Variants in KRT15 observed in about 807,000 individuals in gnomAD.
KRT15 encodes keratin, type I cytoskeletal 15.
Under a neutral mutation model 46.6 loss-of-function variants are expected in KRT15, and 45 were observed. The ratio of observed to expected loss-of-function variants is 0.97; its 90% confidence interval spans 0.76 to 1.24. The LOEUF is 1.24. KRT15 is among the 50% of genes most tolerant of loss of function. The probability of loss-of-function intolerance (pLI) is 0.00; values close to 1 mark genes in which losing one functional copy is unlikely to be tolerated. For missense variants in KRT15, 592 were observed against 588.9 expected (o/e 1.01, Z -0.05); for synonymous variants, 221 against 233.8 (o/e 0.95, Z 0.50).
In KRT15 at chr17:41,518,765, A is replaced by G. The variant is rs769215149; in HGVS notation, c.63T>C (p.Gly21=). 1 of 1,528,864 alleles carries G rather than the reference A, an allele frequency of 6.5e-7. No homozygotes were observed. The highest frequency in any genetic ancestry group is 1.9e-5 in the Admixed American group (1 of 54,026). 94.7% of individuals were successfully genotyped at this position (1,528,864 alleles called of 1,614,324 possible). Residue 21 remains glycine, a synonymous_variant, in exon 1 of 8, where the codon GGT becomes GGC. Transcript: ENST00000254043. ...STFGGGSTRG[G]SLLAGGGGFG... ...AGCCACCTCCCCCAGCCAGGAGGGA[A>G]CCCCCTCGGGTTGAGCCACCCCCAA...
At chr17:41,514,584 G>T in intron 7 of KRT15, 65 bp downstream of exon 7, 2 of 1,487,722 alleles carry the variant, frequency 1.3e-6, no homozygotes, top group East Asian at 2.3e-5. Flanking sequence ...TCCCTATTCC[G>T]AAGGGGGTGG....
At chr17:41,516,779 G>C in intron 3 of KRT15, 29 bp downstream of exon 3, 1 of 1,613,118 alleles carries the variant, frequency 6.2e-7, no homozygotes, top group Non-Finnish European at 8.5e-7. Flanking sequence ...CCTCTCTCGG[G>C]TTCAGGGGTG....
Position 41,518,484 on chromosome 17 carries a change from C to T in KRT15, c.344G>A (p.Arg115His), listed in dbSNP as rs199506230. The change falls in exon 1 of 8, where the codon CGC becomes CAC. Residue 115 changes from arginine to histidine, a missense_variant. Physicochemically the swap from Arg to His is conservative, Grantham distance 29 (BLOSUM62 0). Transcript: ENST00000254043. Reference sequence around the variant, plus strand: ...TACCTTGTCCAGGTAGGAGGCCAGGCGGTCATTGAGGTTCTGCATGGTAAT... The same window carrying T: ...TACCTTGTCCAGGTAGGAGGCCAGGTGGTCATTGAGGTTCTGCATGGTAAT... ...EKITMQNLND[R>H]LASYLDKVRA... 95 of 1,613,996 alleles carry T rather than the reference C, an allele frequency of 5.9e-5. No homozygotes were observed. The highest frequency in any genetic ancestry group is 2.1e-4 in the South Asian group (19 of 91,058).
chr17:41,514,064 C>T lies in KRT15; in HGVS notation c.1330G>A (p.Val444Met). ...SNFHINVEESVDGQVVSSHKR... is the reference protein window; with the variant it reads ...SNFHINVEESMDGQVVSSHKR... ...TGGGAAGAAACCACCTGTCCATCCACTGACTCTTCTACATTGATGTGGAAA... is the reference window on the plus strand; with the variant it reads ...TGGGAAGAAACCACCTGTCCATCCATTGACTCTTCTACATTGATGTGGAAA... The change falls in exon 8 of 8, where the codon GTG becomes ATG. Residue 444 changes from valine (V) to methionine (M), a missense_variant. Coordinates refer to ENST00000254043, the MANE Select transcript of KRT15 (RefSeq NM_002275.4). The T allele has an allele frequency of 6.2e-7, 1 of 1,614,186 alleles. No individual in the cohort carries two copies. Among genetic ancestry groups the T allele is most frequent in the Non-Finnish European group, 8.5e-7 (1 of 1,179,976 alleles).
intron 3 of KRT15, among the ~76,000 whole-genome samples, chr17:41,516,475 G>C (rs1254980072): frequency 6.6e-6 from 1 of 152,166 alleles, no homozygotes. Flanking sequence ...CGAGACTGTA[G>C]GGCCCTGATG....
intron 7 of KRT15, 23 bp downstream of exon 7, chr17:41,514,626 C>G: frequency 6.2e-7 from 1 of 1,612,258 alleles, no homozygotes; most frequent in Non-Finnish European, 8.5e-7. Context: ...CCACCCCACA[C>G]CAGAAGAGTA....
In KRT15 at chr17:41,518,699, A is replaced by G; in HGVS notation, c.129T>C (p.Ser43=). The change falls in exon 1 of 8, where the codon AGT becomes AGC. Residue 43 remains serine, a synonymous_variant. Transcript: ENST00000254043. ...GSLSGGGGSR[S]ISASSARFVS... Reference sequence around the variant, plus strand: ...CAAACCTAGCAGAAGAAGCTGAGATACTTCGGCTTCCACCTCCCCCAGAGA... The same window carrying G: ...CAAACCTAGCAGAAGAAGCTGAGATGCTTCGGCTTCCACCTCCCCCAGAGA... 1 of 1,612,560 alleles carries G rather than the reference A, an allele frequency of 6.2e-7. No individual in the cohort carries two copies. Among genetic ancestry groups the G allele is most frequent in the South Asian group, 1.1e-5 (1 of 91,016 alleles).
Position 41,518,575 on chromosome 17 carries a change from C to A in KRT15, c.253G>T (p.Val85Phe), listed in dbSNP as rs146785055. Residue 85 changes from valine to phenylalanine, a missense_variant, in exon 1 of 8, where the codon GTT becomes TTT. By Grantham distance (50) the Val-to-Phe change is conservative (BLOSUM62 -1). Coordinates refer to ENST00000254043, the MANE Select transcript of KRT15 (RefSeq NM_002275.4). ...SVFGGGFGGG[V>F]GGGFGGGFGG... The stretch of plus-strand genomic sequence containing the variant: ...AAGCCACCACCAAAACCCCCACCAA[C>A]GCCCCCTCCAAAGCCTCCACCGAAA... 2 of 1,613,542 alleles carry A rather than the reference C, an allele frequency of 1.2e-6. No individual in the cohort carries two copies. The highest frequency in any genetic ancestry group is 1.7e-6 in the Non-Finnish European group (2 of 1,179,910).
At chr17:41,516,562 C>T (rs924875067) in intron 3 of KRT15, among the ~76,000 whole-genome samples, 4 of 152,178 alleles carry the variant, frequency 2.6e-5, no homozygotes, top group African/African-American at 9.7e-5. Context: ...GGCTACCAGA[C>T]ACTGCCCCTT....
intron 1 of KRT15, chr17:41,517,452 G>C (rs549710470): frequency 4.5e-6 from 2 of 441,350 alleles, no homozygotes; most frequent in Non-Finnish European, 8.4e-6. Context: ...TGTGGGAATT[G>C]GTTGCCCAGG....
chr17:41,516,776 C>T (rs1303675608), intron 3 of KRT15, 32 bp downstream of exon 3: 8 of 1,611,326 alleles, frequency 5.0e-6, no homozygotes, highest in South Asian at 2.2e-5. Flanking sequence ...CCACCTCTCT[C>T]GGGTTCAGGG....
Position 41,516,208 on chromosome 17 carries a change from C to A in KRT15, c.796G>T (p.Ala266Ser). Reference protein sequence around the residue: ...AGQVNVEMDAAPGVDLTRVLA... With the variant: ...AGQVNVEMDASPGVDLTRVLA... The stretch of plus-strand genomic sequence containing the variant: ...ACACGGGTCAGGTCCACACCCGGTG[C>A]TGCGTCCATCTCCACATTGACCTGG... Residue 266 changes from alanine (A) to serine (S), a missense_variant, in exon 4 of 8, where the codon GCA becomes TCA. Physicochemically the swap from Ala to Ser is moderately conservative, Grantham distance 99. Transcript: ENST00000254043. The A allele has an allele frequency of 6.2e-7, 1 of 1,614,190 alleles. No individual in the cohort carries two copies. Among genetic ancestry groups the A allele is most frequent in the Non-Finnish European group, 8.5e-7 (1 of 1,180,032 alleles).
At chr17:41,518,291 A>G in intron 1 of KRT15, 39 bp downstream of exon 1, 1 of 1,586,796 alleles carries the variant, frequency 6.3e-7, no homozygotes, top group Non-Finnish European at 8.6e-7. Flanking sequence ...ACAGGGTACC[A>G]GCCACCTGCT....
In KRT15 at chr17:41,518,319, C is replaced by T. The variant is rs932737624; in HGVS notation, c.498+11G>A. On this transcript the variant is annotated intron_variant, in intron 1 of 7. Transcript: ENST00000254043. ...CACCTGCTCCCCTCTCTTTGACATC[C>T]GAGGACTCACCTTGTCCCGGAGCTC... The T allele has an allele frequency of 5.6e-6, 9 of 1,605,488 alleles. No homozygotes were observed. Among genetic ancestry groups the T allele is most frequent in the African/African-American group, 1.3e-5 (1 of 74,746 alleles).
Position 41,518,231 on chromosome 17 carries a change from C to A in KRT15, c.498+99G>T. 12 of 1,368,608 alleles carry A rather than the reference C, an allele frequency of 8.8e-6. 1 individual carries two copies. The highest frequency in any genetic ancestry group is 1.9e-4 in the Middle Eastern group (1 of 5,328). The allele number at this position is 1,368,608 out of a possible 1,614,324, so 84.8% of individuals were successfully genotyped here. A position where few individuals can be genotyped will look rare whatever the true frequency, so the allele number is the denominator to read the frequency against. On this transcript the variant is annotated intron_variant, in intron 1 of 7. Coordinates refer to ENST00000254043, the MANE Select transcript of KRT15 (RefSeq NM_002275.4). ...ACATACCAGACAGTCATTGCCTGGGCAGGAAAGGATTTCCTTGAGTCAGCA... is the reference window on the plus strand; with the variant it reads ...ACATACCAGACAGTCATTGCCTGGGAAGGAAAGGATTTCCTTGAGTCAGCA...
At position 41,516,899 on chromosome 17, in the gene KRT15, A is replaced by G. The variant is rs761263791; in HGVS notation, c.647T>C (p.Leu216Pro). 6.2e-7 allele frequency: 1 copy of G among 1,614,248 alleles called. No individual in the cohort carries two copies. The highest frequency in any genetic ancestry group is 8.5e-7 in the Non-Finnish European group (1 of 1,180,038). Residue 216 changes from leucine (L) to proline (P), a missense_variant, in exon 3 of 8, where the codon CTG (leucine) becomes CCG (proline). By Grantham distance (98) the Leu-to-Pro change is moderately conservative. Transcript: ENST00000254043. Reference protein sequence around the residue: ...EADINGLRRVLDELTLARTDL... With the variant: ...EADINGLRRVPDELTLARTDL... Reference sequence around the variant, plus strand: ...AGTCCTGGCCAGGGTCAGCTCATCCAGGACTCGGCGCAAGCCGTTGATGTC... The same window carrying G: ...AGTCCTGGCCAGGGTCAGCTCATCCGGGACTCGGCGCAAGCCGTTGATGTC...
intron 6 of KRT15, chr17:41,514,976 T>G: frequency 3.1e-6 from 1 of 324,532 alleles, no homozygotes; most frequent in Non-Finnish European, 5.7e-6. Flanking sequence ...AAGTGATTCT[T>G]GTGCCTCAGC....
chr17:41,515,431 A>G (rs758821703), intron 6 of KRT15, 41 bp downstream of exon 6: 1 of 1,571,932 alleles, frequency 6.4e-7, no homozygotes, highest in East Asian at 2.2e-5. Context: ...CCTAGCCACA[A>G]GCAGCCCTCA....
At chr17:41,515,178 T>C (rs767975842) in intron 6 of KRT15, 2 of 445,784 alleles carry the variant, frequency 4.5e-6, no homozygotes, top group Non-Finnish European at 8.2e-6. Flanking sequence ...GATTCTGAAC[T>C]ACAAGAATAC....
Sources: allele counts gnomAD v4.1 joint callset (sites outside exome capture counted in the v4.1 genomes callset), GRCh38; gene constraint gnomAD v4.1.1; transcripts MANE v1.5; gene names NCBI Gene and HGNC (gene_info 2026-07-23, HGNC 2026-07-21).